The following UBR3 variants were observed in gnomAD, a reference collection of about 807,000 sequenced individuals.
The protein encoded by UBR3 is E3 ubiquitin-protein ligase UBR3.
UBR3 carries 85 observed loss-of-function variants against 243.2 expected under a neutral mutation model. The observed-to-expected ratio is 0.35, with a 90% CI of 0.29 to 0.42. UBR3 has a LOEUF of 0.42. Among genes scored for constraint, UBR3 ranks in the 10% least tolerant of loss-of-function variants. The pLI, the probability that UBR3 is intolerant of heterozygous loss-of-function variation, is 1.00. For missense variants in UBR3, 1,686 were observed against 2,300.8 expected, an observed-to-expected ratio of 0.73 and a Z score of 5.47; for synonymous variants, 748 against 799.8, an observed-to-expected ratio of 0.94 and a Z score of 1.09.
In UBR3 at chr2:169,845,552, T is replaced by TTTC. The variant is rs372487053; in HGVS notation, c.545+17518_545+17520dup. Among the ~76,000 whole-genome samples the TTTC allele has an allele frequency of 1.0e-3, 150 of 145,852 alleles. 2 individuals are homozygous for TTTC. Among genetic ancestry groups the TTTC allele is most frequent in the East Asian group, 8.7e-3 (42 of 4,804 alleles). ...CGTCGTCTTCTTCTTCTTCTTCTTC[T>TTTC]TTCTTCTTCTTCTTCTTCTTTCTTC... On this transcript the variant is annotated intron_variant, in intron 1 of 38. Coordinates refer to ENST00000272793, the MANE Select transcript of UBR3 (RefSeq NM_172070.4).
chr2:170,007,279 A>G (rs2089947853), intron 28 of UBR3, 89 bp downstream of exon 28: 1 of 1,352,688 alleles, frequency 7.4e-7, no homozygotes, highest in East Asian at 2.5e-5. Context: ...ATTACTCTGG[A>G]CTTTTACATA....
At chr2:170,071,441 T>C (rs1264288131) in intron 35 of UBR3, among the ~76,000 whole-genome samples, 1 of 152,192 alleles carries the variant, frequency 6.6e-6, no homozygotes, top group African/African-American at 2.4e-5. Flanking sequence ...AGTGGCTGTT[T>C]GGGTCCAAAG....
chr2:170,066,233 C>G (rs2091564691), intron 35 of UBR3, among the ~76,000 whole-genome samples: 1 of 152,174 alleles, frequency 6.6e-6, no homozygotes, highest in African/African-American at 2.4e-5. Context: ...TTGTTCTCCA[C>G]AGTAATCTAT....
At position 169,881,818 on chromosome 2, in the gene UBR3, T is replaced by G. The variant is rs561796515; in HGVS notation, c.1038+3244T>G. ...TTATATTTATGTTATAATATACATA[T>G]AATTATATATGTATGTATACATGTA... On this transcript the variant is annotated intron_variant, in intron 5 of 38. Coordinates refer to ENST00000272793, the MANE Select transcript of UBR3 (RefSeq NM_172070.4). Among the ~76,000 whole-genome samples the G allele has an allele frequency of 4.9e-3, 668 of 137,496 alleles. 5 individuals carry two copies. The highest frequency in any genetic ancestry group is 0.017 in the African/African-American group (625 of 37,602). The allele number at this position is 137,496 out of a possible 152,430, so 90.2% of individuals were successfully genotyped here.
At chr2:169,867,793 A>G (rs2083308137) in intron 1 of UBR3, among the ~76,000 whole-genome samples, 1 of 152,236 alleles carries the variant, frequency 6.6e-6, no homozygotes, top group African/African-American at 2.4e-5. Context: ...TGCAGACTCA[A>G]CATTTTTAAA....
chr2:170,007,522 C>T (rs955107839), intron 28 of UBR3, among the ~76,000 whole-genome samples: 69 of 152,250 alleles, frequency 4.5e-4, no homozygotes, highest in African/African-American at 1.6e-3. Context: ...CTTTGGGAGG[C>T]TGAGGTGGAC....
In UBR3 at chr2:170,079,879, C is replaced by T; in HGVS notation, c.5265C>T (p.Asn1755=). The T allele has an allele frequency of 6.2e-7, 1 of 1,614,014 alleles. No individual in the cohort carries two copies. The highest frequency in any genetic ancestry group is 8.5e-7 in the Non-Finnish European group (1 of 1,179,956). Residue 1755 remains asparagine, a synonymous_variant, in exon 37 of 39, where the codon AAC becomes AAT. Coordinates refer to ENST00000272793, the MANE Select transcript of UBR3 (RefSeq NM_172070.4). ...PHLLQLPENY[N]TIFQYYHRKT... ...TACTACAGTTGCCTGAGAATTATAA[C>T]ACCATTTTTCAGTACTACCACAGAA...
rs1214570683 is a variant in UBR3 at position 169,828,070 on chromosome 2, C to T, written c.545+18C>T. ...GAGAGCGGGTGAGTGGAGCCCTCCCCGCGGGCGAGGCGACCCTGGGCCGGG... is the reference window on the plus strand; with the variant it reads ...GAGAGCGGGTGAGTGGAGCCCTCCCTGCGGGCGAGGCGACCCTGGGCCGGG... On this transcript the variant is annotated intron_variant, in intron 1 of 38. Coordinates refer to ENST00000272793, the MANE Select transcript of UBR3 (RefSeq NM_172070.4). 4.4e-6 allele frequency: 6 copies of T among 1,353,552 alleles called. No individual in the cohort carries two copies. Among genetic ancestry groups the T allele is most frequent in the Non-Finnish European group, 5.7e-6 (6 of 1,050,246 alleles). 83.8% of individuals were successfully genotyped at this position (1,353,552 alleles called of 1,614,324 possible).
intron 1 of UBR3, among the ~76,000 whole-genome samples, chr2:169,841,231 A>AT (rs978415496): frequency 1.9e-4 from 29 of 151,848 alleles, no homozygotes; most frequent in African/African-American, 7.0e-4. Flanking sequence ...CTCTCCTTGG[A>AT]TTTTACTATA....
At chr2:170,001,239 C>G (rs147189367) in intron 26 of UBR3, 65 bp from the exon 27 acceptor site, 2 of 1,147,202 alleles carry the variant, frequency 1.7e-6, no homozygotes, top group African/African-American at 1.6e-5. Context: ...TGTGGACATA[C>G]TAATATTTAA....
chr2:169,925,575 T>C (rs2085880076), intron 13 of UBR3, 44 bp from the exon 14 acceptor site: 1 of 1,489,608 alleles, frequency 6.7e-7, no homozygotes, highest in African/African-American at 1.4e-5. Flanking sequence ...TTTGTAAAGA[T>C]TGCATTTAGA....
chr2:169,827,909 G>T lies in UBR3; in HGVS notation c.402G>T (p.Arg134=). ...CCAACTTCGTGGCCTACCGCTGCCG[G>T]ACGTGCGGCATCTCGCCCTGCATGT... The part of the protein sequence containing the change: ...WTANFVAYRC[R]TCGISPCMSL... Residue 134 remains arginine, a synonymous_variant, in exon 1 of 39, where the codon CGG becomes CGT. Transcript: ENST00000272793. 3.3e-6 allele frequency: 5 copies of T among 1,518,148 alleles called. No individual in the cohort carries two copies. The highest frequency in any genetic ancestry group is 2.6e-6 in the Non-Finnish European group (3 of 1,136,418). The allele number at this position is 1,518,148 out of a possible 1,614,324, so 94.0% of individuals were successfully genotyped here.
chr2:169,867,673 A>T, intron 1 of UBR3, among the ~76,000 whole-genome samples: 1 of 152,250 alleles, frequency 6.6e-6, no homozygotes, highest in African/African-American at 2.4e-5. Context: ...GAATTAGTAA[A>T]GGGAATCTTT....
At chr2:170,075,545 TGTAGAGGCAGTGTA>T (rs2091789398) in intron 36 of UBR3, among the ~76,000 whole-genome samples, 1 of 152,180 alleles carries the variant, frequency 6.6e-6, no homozygotes, top group Non-Finnish European at 1.5e-5. Flanking sequence ...TGATAATTAT[TGTAGAGGCAGTGTA>T]GTAGACATTT....
chr2:169,975,631 G>T (rs1376855567), intron 24 of UBR3, among the ~76,000 whole-genome samples: 1 of 152,090 alleles, frequency 6.6e-6, no homozygotes, highest in Non-Finnish European at 1.5e-5. Context: ...CTCTGGCATT[G>T]AGTGCATATG....
chr2:169,995,916 T>C (rs2089460732), intron 26 of UBR3, among the ~76,000 whole-genome samples: 1 of 152,208 alleles, frequency 6.6e-6, no homozygotes, highest in African/African-American at 2.4e-5. Flanking sequence ...TCTCCTGTTG[T>C]AGTTTTTTAA....
At position 169,827,587 on chromosome 2, in the gene UBR3, ACAAGGCGGCCACCGCCGCGCACCT is replaced by A; in HGVS notation, c.91_114del (p.Thr31_Ala38del). 1.6e-6 allele frequency: 2 copies of A among 1,252,378 alleles called. No individual in the cohort carries two copies. Among genetic ancestry groups the A allele is most frequent in the Non-Finnish European group, 2.0e-6 (2 of 1,001,428 alleles). The allele number at this position is 1,252,378 out of a possible 1,614,324, so 77.6% of individuals were successfully genotyped here. A position where few individuals can be genotyped will look rare whatever the true frequency, so the allele number is the denominator to read the frequency against. The stretch of plus-strand genomic sequence containing the variant: ...CTGCCCGCGCCGGGGCTGGCCCTAG[ACAAGGCGGCCACCGCCGCGCACCT>A]CAAGGCGGCCCTCAGCCGGCCGGAC... On this transcript the variant is annotated inframe_deletion, in exon 1 of 39. Coordinates refer to ENST00000272793, the MANE Select transcript of UBR3 (RefSeq NM_172070.4).
chr2:169,956,153 G>C (rs1163705877), intron 23 of UBR3, among the ~76,000 whole-genome samples: 1 of 151,754 alleles, frequency 6.6e-6, no homozygotes, highest in Non-Finnish European at 1.5e-5. Flanking sequence ...TCAGTTTCCA[G>C]AGTAACTCTG....
chr2:169,999,693 A>G (rs961118347), intron 26 of UBR3, among the ~76,000 whole-genome samples: 9 of 152,232 alleles, frequency 5.9e-5, no homozygotes, highest in South Asian at 2.1e-4. Context: ...ACAGAGGCCA[A>G]TTGATGAAAA....
Sources: gnomAD v4.1 joint callset for allele counts (sites outside exome capture counted in the v4.1 genomes callset) on GRCh38, gnomAD v4.1.1 for gene constraint, MANE v1.5 for transcripts, NCBI Gene and HGNC (gene_info 2026-07-23, HGNC 2026-07-21) for gene names.